Variants in ARHGEF33 observed in about 807,000 individuals in gnomAD.
The protein encoded by ARHGEF33 is DH and coiled-coil domain-containing protein ENSP00000381780.
In ARHGEF33, 72 loss-of-function variants were observed where a neutral mutation model predicts 101.9. The observed-to-expected ratio is 0.71, with a 90% confidence interval of 0.58 to 0.86. The LOEUF is 0.86. Ranked by LOEUF, ARHGEF33 falls within the 40% of genes least tolerant of loss-of-function variation. The pLI is 0.00. For synonymous variants in ARHGEF33, 499 were observed against 442.5 expected (o/e 1.13, Z -1.60); for missense variants, 1,169 against 1,111.3 (o/e 1.05, Z -0.74).
Position 38,954,394 on chromosome 2 carries a change from G to A in ARHGEF33, c.1159G>A (p.Asp387Asn). The A allele has an allele frequency of 6.5e-7, 1 of 1,549,084 alleles. No individual in the cohort carries two copies. The highest frequency in any genetic ancestry group is 1.2e-5 in the South Asian group (1 of 83,992). Residue 387 changes from aspartate to asparagine, a missense_variant, in exon 13 of 18, where the codon GAC becomes AAC. Transcript: ENST00000409978. ...TCAGGGTGATGAAGAGATTAAATCT[G>A]ACATCTACACGTTGTTTTTTCACAT... ...LKEGDEEIKS[D>N]IYTLFFHIVQ...
chr2:38,947,870 G>C (rs1174127830), intron 10 of ARHGEF33, among the ~76,000 whole-genome samples: 1 of 152,068 alleles, frequency 6.6e-6, no homozygotes, highest in Admixed American at 6.6e-5. Flanking sequence ...GCCCATCCAG[G>C]GTGGCGGGAA....
At chr2:38,909,401 A>C (rs1666461080) in intron 2 of ARHGEF33, among the ~76,000 whole-genome samples, 2 of 151,702 alleles carry the variant, frequency 1.3e-5, no homozygotes, top group South Asian at 4.2e-4. Context: ...CGCTCACTGC[A>C]GCTTTGACTT....
At chr2:38,960,756 C>T in intron 16 of ARHGEF33, 108 bp downstream of exon 16, 1 of 932,758 alleles carries the variant, frequency 1.1e-6, no homozygotes, top group Non-Finnish European at 1.3e-6. Context: ...CCGGGCCAGG[C>T]TAGGGGGCGG....
chr2:38,963,023 CAAAAAA>C (rs34417172), intron 16 of ARHGEF33, among the ~76,000 whole-genome samples: 1 of 102,036 alleles, frequency 9.8e-6, no homozygotes, highest in Non-Finnish European at 2.0e-5. Flanking sequence ...GACTCTGTCT[CAAAAAA>C]AAAAAAAAAA....
At chr2:38,931,817 C>G (rs1325699380) in intron 7 of ARHGEF33, among the ~76,000 whole-genome samples, 2 of 152,192 alleles carry the variant, frequency 1.3e-5, no homozygotes, top group East Asian at 3.8e-4. Flanking sequence ...GTCTTTGTAT[C>G]CTCAACCATG....
At chr2:38,906,368 AATAGATTG>A (rs1666391101) in intron 2 of ARHGEF33, among the ~76,000 whole-genome samples, 2 of 152,232 alleles carry the variant, frequency 1.3e-5, no homozygotes, top group Admixed American at 1.3e-4. Flanking sequence ...ATAATGCAAC[AATAGATTG>A]AGGAATCAAA....
Position 38,951,070 on chromosome 2 carries a change from G to A in ARHGEF33, c.1002G>A (p.Trp334Ter). ...LHALQERVLK[W>*]PRQGVLGDLF... ...CACTGCAGGAAAGGGTCCTGAAGTGGCCACGCCAAGGCGTTCTTGGAGATT... is the reference window on the plus strand; with the variant it reads ...CACTGCAGGAAAGGGTCCTGAAGTGACCACGCCAAGGCGTTCTTGGAGATT... The change falls in exon 11 of 18, where the codon TGG becomes TGA. Residue 334 changes from tryptophan to a stop codon, truncating the protein, a stop_gained. Coordinates refer to ENST00000409978, the MANE Select transcript of ARHGEF33 (RefSeq NM_001145451.5). LOFTEE classifies it high-confidence loss of function. The A allele has an allele frequency of 6.4e-7, 1 of 1,551,944 alleles. No individual in the cohort carries two copies. Among genetic ancestry groups the A allele is most frequent in the Non-Finnish European group, 8.7e-7 (1 of 1,146,982 alleles).
chr2:38,923,572 C>T (rs1012507299), intron 4 of ARHGEF33, among the ~76,000 whole-genome samples: 4 of 152,106 alleles, frequency 2.6e-5, no homozygotes, highest in African/African-American at 7.2e-5. Context: ...GGAATTTAGT[C>T]CATTTTCCTC....
At chr2:38,921,334 A>G in intron 3 of ARHGEF33, 40 bp from the exon 4 acceptor site, 4 of 1,266,702 alleles carry the variant, frequency 3.2e-6, no homozygotes, top group Non-Finnish European at 4.5e-6. Flanking sequence ...TAGGGACAGA[A>G]TGAGTAGTGT....
intron 17 of ARHGEF33, chr2:38,969,712 A>T (rs1228192269): frequency 6.5e-6 from 1 of 152,888 alleles, no homozygotes; most frequent in Non-Finnish European, 1.5e-5. Context: ...GATCAGAATA[A>T]AGGCTACATA....
At chr2:38,912,329 A>G (rs1315628162) in intron 2 of ARHGEF33, among the ~76,000 whole-genome samples, 4 of 152,248 alleles carry the variant, frequency 2.6e-5, no homozygotes, top group African/African-American at 9.6e-5. Context: ...TACTAGGCTC[A>G]GAGTGAGAGA....
In ARHGEF33 at chr2:38,959,845, C is replaced by T; in HGVS notation, c.1540C>T (p.Leu514=). ...APSSGPAITH[L]MPPVKKSQQQ... is the part of the protein sequence containing the mutation. ...TACTCTGTTTTCCCCCTAAAGACAT[C>T]TGATGCCCCCAGTGAAGAAAAGCCA... Residue 514 remains leucine (L), a synonymous_variant, in exon 16 of 18, where the codon CTG becomes TTG. Transcript: ENST00000409978. 1 of 1,546,296 alleles carries T rather than the reference C, an allele frequency of 6.5e-7. No individual in the cohort carries two copies.
chr2:38,947,817 C>T (rs1241572208), intron 10 of ARHGEF33, among the ~76,000 whole-genome samples: 2 of 152,162 alleles, frequency 1.3e-5, no homozygotes, highest in Admixed American at 6.5e-5. Context: ...CAACAAGCTT[C>T]GTGCTACAGA....
chr2:38,894,332 T>TA (rs35702370), intron 1 of ARHGEF33, among the ~76,000 whole-genome samples: 47,726 of 145,958 alleles, frequency 0.33, 8,106 homozygotes, highest in Non-Finnish European at 0.39. Flanking sequence ...AACCTGCCTT[T>TA]AAAAAAAAAA....
chr2:38,959,858 TGAA>T lies in ARHGEF33; in HGVS notation c.1557_1559del (p.Lys520del). ...CCCTAAAGACATCTGATGCCCCCAG[TGAA>T]GAAAAGCCAACAGCAGCAAAGCCTG... On this transcript the variant is annotated inframe_deletion, in exon 16 of 18. Transcript: ENST00000409978. 6.5e-7 allele frequency: 1 copy of T among 1,549,546 alleles called. No homozygotes were observed. Among genetic ancestry groups the T allele is most frequent in the Non-Finnish European group, 8.7e-7 (1 of 1,145,470 alleles).
chr2:38,918,849 TG>T (rs1666692074), intron 2 of ARHGEF33, among the ~76,000 whole-genome samples: 1 of 127,076 alleles, frequency 7.9e-6, no homozygotes, highest in Admixed American at 9.3e-5. Context: ...GAGAACAACC[TG>T]GGCAACATAG....
At chr2:38,943,803 T>C (rs1667372417) in intron 9 of ARHGEF33, 98 bp from the exon 10 acceptor site, 1 of 1,273,280 alleles carries the variant, frequency 7.9e-7, no homozygotes, top group African/African-American at 1.5e-5. Context: ...TTTTTTTTTA[T>C]TGCTTTCAAT....
intron 9 of ARHGEF33, among the ~76,000 whole-genome samples, chr2:38,939,656 C>A (rs986859093): frequency 6.6e-6 from 1 of 152,044 alleles, no homozygotes; most frequent in Non-Finnish European, 1.5e-5. Context: ...AAGTCCATTG[C>A]CCAACTTTTT....
rs1666753459 is a variant in ARHGEF33, at chr2:38,921,400, A to C, written c.52A>C (p.Asn18His). The change falls in exon 4 of 18, where the codon AAT (asparagine) becomes CAT (histidine). Residue 18 changes from asparagine (N) to histidine (H), a missense_variant. By Grantham distance (68) the Asn-to-His change is moderately conservative. Transcript: ENST00000409978. ...QGENEHMPVN[N>H]PSTQIYQLQA... ...AGAGAATGAACATATGCCGGTGAAT[A>C]ATCCTTCCACGCAGATTTACCAGGT... is the stretch of plus-strand genomic sequence containing the variant. 6.5e-7 allele frequency: 1 copy of C among 1,547,126 alleles called. No individual in the cohort carries two copies. The highest frequency in any genetic ancestry group is 1.2e-5 in the South Asian group (1 of 83,990).
Sources: gnomAD v4.1 joint callset for allele counts (sites outside exome capture counted in the v4.1 genomes callset) on GRCh38, gnomAD v4.1.1 for gene constraint, MANE v1.5 for transcripts, NCBI Gene and HGNC (gene_info 2026-07-23, HGNC 2026-07-21) for gene names.